SIPA1L2: variants seen among roughly 807,000 people sequenced by gnomAD.
The protein encoded by SIPA1L2 is signal induced proliferation associated 1 like 2, also known as signal-induced proliferation-associated 1-like protein 2.
Under a neutral mutation model 163.9 loss-of-function variants are expected in SIPA1L2, and 56 were observed. The ratio of observed to expected loss-of-function variants is 0.34; its 90% confidence interval spans 0.28 to 0.43. The LOEUF is 0.43. SIPA1L2 is among the 20% of genes least tolerant of loss of function. The probability of loss-of-function intolerance (pLI) is 1.00; values close to 1 mark genes in which losing one functional copy is unlikely to be tolerated. For synonymous variants in SIPA1L2, 877 were observed against 865.7 expected (o/e 1.01, Z -0.23); for missense variants, 1,974 against 2,193.5 (o/e 0.90, Z 2.00).
chr1:232,516,055 T>C (rs1667206473), intron 2 of SIPA1L2, among the ~76,000 whole-genome samples: 1 of 152,230 alleles, frequency 6.6e-6, no homozygotes, highest in African/African-American at 2.4e-5. Context: ...AGTATTTCAA[T>C]GCATGAATTG....
At chr1:232,568,158 C>T (rs1399196198) in intron 2 of SIPA1L2, among the ~76,000 whole-genome samples, 2 of 152,192 alleles carry the variant, frequency 1.3e-5, no homozygotes, top group Non-Finnish European at 2.9e-5. Context: ...GCAAATTAAT[C>T]ATATCCAACG....
At chr1:232,618,568 C>G (rs932067221) in intron 1 of SIPA1L2, among the ~76,000 whole-genome samples, 2 of 151,498 alleles carry the variant, frequency 1.3e-5, no homozygotes, top group Admixed American at 6.6e-5. Context: ...GCAGGAGAAT[C>G]GCTTCAACCC....
intron 2 of SIPA1L2, among the ~76,000 whole-genome samples, chr1:232,563,994 T>TGTGTGA (rs1363936941): frequency 1.7e-4 from 23 of 134,056 alleles, no homozygotes; most frequent in African/African-American, 7.0e-4. Flanking sequence ...TGTGTGTGTG[T>TGTGTGA]GTGATGGAGT....
chr1:232,501,050 A>ATTTTTTTTTTTTTTTTTTTTTT (rs60008360), intron 3 of SIPA1L2, among the ~76,000 whole-genome samples: 3 of 78,450 alleles, frequency 3.8e-5, no homozygotes, highest in Non-Finnish European at 6.9e-5. Flanking sequence ...GCAATGAAGT[A>ATTTTTTTTTTTTTTTTTTTTTT]TTTTTTTTTT....
At chr1:232,615,240 C>G (rs1662441188) in intron 1 of SIPA1L2, among the ~76,000 whole-genome samples, 1 of 152,232 alleles carries the variant, frequency 6.6e-6, no homozygotes, top group African/African-American at 2.4e-5. Context: ...AGCTTGGACA[C>G]AGGCTCGGAA....
chr1:232,472,011 G>A (rs1002765347), intron 7 of SIPA1L2, among the ~76,000 whole-genome samples: 1 of 152,188 alleles, frequency 6.6e-6, no homozygotes, highest in African/African-American at 2.4e-5. Context: ...TCATTCTGGT[G>A]AGCAATAATA....
intron 12 of SIPA1L2, 89 bp downstream of exon 12, chr1:232,443,513 G>C: frequency 1.0e-6 from 1 of 994,760 alleles, no homozygotes; most frequent in Non-Finnish European, 1.4e-6. Context: ...CATGGCCCCA[G>C]GTACAGAAGG....
chr1:232,441,845 T>C lies in SIPA1L2; in HGVS notation c.3461A>G (p.Glu1154Gly). 6.2e-7 allele frequency: 1 copy of C among 1,613,200 alleles called. No individual in the cohort carries two copies. Among genetic ancestry groups the C allele is most frequent in the Non-Finnish European group, 8.5e-7 (1 of 1,179,644 alleles). Reference sequence around the variant, plus strand: ...TTCCAAAGGGCCTGAGCCCTGGTGTTCGAGCAGTAGAGGGGACTGGCACCT... The same window carrying C: ...TTCCAAAGGGCCTGAGCCCTGGTGTCCGAGCAGTAGAGGGGACTGGCACCT... ...YDGCQSPLLL[E>G]HQGSGPLECD... Residue 1154 changes from glutamate to glycine, a missense_variant, in exon 13 of 23, where the codon GAA becomes GGA. Coordinates refer to ENST00000674635, the MANE Select transcript of SIPA1L2 (RefSeq NM_020808.5).
intron 1 of SIPA1L2, among the ~76,000 whole-genome samples, chr1:232,617,481 T>C (rs1178056356): frequency 6.6e-6 from 1 of 152,204 alleles, no homozygotes; most frequent in African/African-American, 2.4e-5. Context: ...GTGATCAAGA[T>C]GAAGGCAAAG....
intron 18 of SIPA1L2, among the ~76,000 whole-genome samples, chr1:232,424,387 T>C (rs1333687828): frequency 9.2e-6 from 1 of 109,038 alleles, no homozygotes; most frequent in African/African-American, 3.6e-5. Flanking sequence ...AAATGAAGGG[T>C]AGAATGTAAG....
chr1:232,608,047 C>CAAAA (rs56208215), intron 1 of SIPA1L2, among the ~76,000 whole-genome samples: 8 of 67,486 alleles, frequency 1.2e-4, no homozygotes, highest in Non-Finnish European at 1.8e-4. Context: ...AACTCCATCT[C>CAAAA]AAAAAAAAAA....
At chr1:232,524,322 A>G (rs922032237) in intron 2 of SIPA1L2, among the ~76,000 whole-genome samples, 3 of 152,184 alleles carry the variant, frequency 2.0e-5, no homozygotes, top group African/African-American at 7.2e-5. Flanking sequence ...CTGACCAAGC[A>G]AGTTACAAAA....
chr1:232,530,588 A>T (rs1656857841), intron 2 of SIPA1L2, among the ~76,000 whole-genome samples: 1 of 152,108 alleles, frequency 6.6e-6, no homozygotes, highest in Admixed American at 6.5e-5. Flanking sequence ...TAAAAAAAAA[A>T]GGTTAACAAG....
chr1:232,592,893 T>C (rs1661039070), intron 1 of SIPA1L2, among the ~76,000 whole-genome samples: 3 of 151,346 alleles, frequency 2.0e-5, no homozygotes, highest in Admixed American at 2.0e-4. Context: ...ACTGGAAAAA[T>C]GGAAGAAGGG....
chr1:232,449,261 G>A (rs1441475543), intron 10 of SIPA1L2, among the ~76,000 whole-genome samples: 2 of 152,160 alleles, frequency 1.3e-5, no homozygotes, highest in Non-Finnish European at 2.9e-5. Flanking sequence ...GCTCACGCCT[G>A]TAATCCCAGC....
chr1:232,511,666 C>T (rs1012532625), intron 3 of SIPA1L2, among the ~76,000 whole-genome samples: 3 of 151,646 alleles, frequency 2.0e-5, no homozygotes, highest in Admixed American at 6.6e-5. Flanking sequence ...GTGTTACCCA[C>T]CCTCCCCAAC....
At chr1:232,408,260 T>A in intron 19 of SIPA1L2, among the ~76,000 whole-genome samples, 1 of 150,950 alleles carries the variant, frequency 6.6e-6, no homozygotes, top group African/African-American at 2.4e-5. Context: ...TCCAACTTAC[T>A]TTTGCCTTCT....
chr1:232,539,968 T>G (rs1657544049), intron 2 of SIPA1L2, among the ~76,000 whole-genome samples: 1 of 152,204 alleles, frequency 6.6e-6, no homozygotes, highest in Non-Finnish European at 1.5e-5. Context: ...TGCGAATGCC[T>G]GTATAGCGTG....
At chr1:232,620,579 T>TTA (rs1162273009) in intron 1 of SIPA1L2, among the ~76,000 whole-genome samples, 1 of 152,222 alleles carries the variant, frequency 6.6e-6, no homozygotes, top group East Asian at 1.9e-4. Flanking sequence ...GCTAAGAGGA[T>TTA]GAATTTAGAA....
Sources: gnomAD v4.1 joint callset for allele counts (sites outside exome capture counted in the v4.1 genomes callset) on GRCh38, gnomAD v4.1.1 for gene constraint, MANE v1.5 for transcripts, NCBI Gene and HGNC (gene_info 2026-07-23, HGNC 2026-07-21) for gene names.